CENPP: variants seen among roughly 807,000 people sequenced by gnomAD.
CENPP encodes centromere protein P.
CENPP carries 24 observed loss-of-function variants against 35.6 expected under a neutral mutation model. The ratio of observed to expected loss-of-function variants is 0.67; its 90% CI spans 0.49 to 0.95. The LOEUF (loss-of-function observed/expected upper bound fraction) is 0.95. CENPP is among the 40% of genes least tolerant of loss of function. CENPP has a pLI of 0.00. For synonymous variants in CENPP, 120 were observed against 125.5 expected (o/e 0.96, Z 0.29); for missense variants, 332 against 345.3 (o/e 0.96, Z 0.31).
intron 5 of CENPP, chr9:92,457,198 A>G (rs917430235): frequency 2.7e-5 from 41 of 1,493,746 alleles, no homozygotes; most frequent in Non-Finnish European, 3.7e-5. Context: ...GCTTGTATAT[A>G]TAATACTACC....
At chr9:92,556,858 T>C (rs1239292908) in intron 5 of CENPP, among the ~76,000 whole-genome samples, 1 of 152,228 alleles carries the variant, frequency 6.6e-6, no homozygotes, top group African/African-American at 2.4e-5. Context: ...CTTTGTTGCC[T>C]GTGTACTTTG....
chr9:92,433,632 T>C (rs1844173318), intron 5 of CENPP, among the ~76,000 whole-genome samples: 1 of 152,174 alleles, frequency 6.6e-6, no homozygotes, highest in Admixed American at 6.6e-5. Flanking sequence ...AAAATGTAAT[T>C]ACAAAAATGT....
intron 5 of CENPP, among the ~76,000 whole-genome samples, chr9:92,562,278 C>T (rs905326685): frequency 6.8e-6 from 1 of 147,120 alleles, no homozygotes; most frequent in African/African-American, 2.5e-5. Context: ...GATCTTGGCT[C>T]ACTGCAACCT....
chr9:92,473,307 A>G (rs1845595041), intron 5 of CENPP, among the ~76,000 whole-genome samples: 1 of 152,182 alleles, frequency 6.6e-6, no homozygotes, highest in African/African-American at 2.4e-5. Context: ...TGCACTAAAG[A>G]TAAATGTGTC....
intron 5 of CENPP, chr9:92,494,123 G>C: frequency 6.3e-7 from 1 of 1,597,836 alleles, no homozygotes; most frequent in Non-Finnish European, 8.5e-7. Flanking sequence ...GTTTGTCACT[G>C]TCTCTAGAAC....
At chr9:92,465,000 C>T in intron 5 of CENPP, 2 of 1,613,764 alleles carry the variant, frequency 1.2e-6, no homozygotes, top group African/African-American at 2.7e-5. Context: ...GGCTCTATCC[C>T]ATTATTATCA....
intron 5 of CENPP, among the ~76,000 whole-genome samples, chr9:92,504,803 T>C (rs1041562829): frequency 6.6e-6 from 1 of 152,056 alleles, no homozygotes; most frequent in Non-Finnish European, 1.5e-5. Context: ...CCTCCCAGAG[T>C]GCTGGGATTA....
chr9:92,404,625 G>A (rs1843250824), intron 5 of CENPP: 13 of 1,281,248 alleles, frequency 1.0e-5, no homozygotes, highest in Non-Finnish European at 1.3e-5. Context: ...AAATTTCAGG[G>A]CCCAGCAGCT....
At chr9:92,533,330 T>A (rs488901) in intron 5 of CENPP, among the ~76,000 whole-genome samples, 4,211 of 53,432 alleles carry the variant, frequency 0.079, 143 homozygotes, top group Non-Finnish European at 0.12. Flanking sequence ...AAAAAAAAAA[T>A]ATATATATAT....
chr9:92,453,474 A>T (rs1331792974), intron 5 of CENPP, among the ~76,000 whole-genome samples: 1 of 152,164 alleles, frequency 6.6e-6, no homozygotes, highest in East Asian at 1.9e-4. Flanking sequence ...ACAGTTTGTT[A>T]TAATTTCTGT....
At chr9:92,342,581 T>G (rs1387856011) in intron 3 of CENPP, among the ~76,000 whole-genome samples, 3 of 152,250 alleles carry the variant, frequency 2.0e-5, no homozygotes, top group African/African-American at 7.2e-5. Flanking sequence ...CTTTTAGATT[T>G]TATGATTCTT....
Position 92,337,622 on chromosome 9 carries a change from A to G in CENPP, c.371A>G (p.Glu124Gly), listed in dbSNP as rs370232744. ...VTFQLEFQILEIQNKERLSSA... is the reference protein window; with the variant it reads ...VTFQLEFQILGIQNKERLSSA... ...TTTCAACTTGAATTTCAGATTCTGG[A>G]AATTCAGGTAAATTAAGAAGCATGT... is the stretch of plus-strand genomic sequence containing the variant. Residue 124 changes from glutamate to glycine, a missense_variant, in exon 3 of 8, where the codon GAA (glutamate) becomes GGA (glycine). Coordinates refer to ENST00000375587, the MANE Select transcript of CENPP (RefSeq NM_001012267.3). The G allele has an allele frequency of 5.7e-6, 9 of 1,566,318 alleles. No individual in the cohort carries two copies. In the African/African-American group the frequency reaches 1.1e-4, roughly 19 times the overall value.
intron 5 of CENPP, among the ~76,000 whole-genome samples, chr9:92,490,725 G>A (rs1037645915): frequency 1.3e-5 from 2 of 152,198 alleles, no homozygotes; most frequent in Admixed American, 6.5e-5. Context: ...AGAGCAATCA[G>A]ATTGATTACT....
At chr9:92,470,565 C>A in intron 5 of CENPP, 5 of 587,674 alleles carry the variant, frequency 8.5e-6, no homozygotes, top group East Asian at 3.4e-5. Context: ...TCATTCTTTA[C>A]AGAAAAGTAA....
intron 5 of CENPP, chr9:92,518,010 T>C: frequency 9.6e-7 from 1 of 1,036,300 alleles, no homozygotes; most frequent in Non-Finnish European, 1.4e-6. Flanking sequence ...ATGTATAGGG[T>C]AAAGATGTCG....
At chr9:92,533,328 A>AAAAAAAT (rs1554683138) in intron 5 of CENPP, among the ~76,000 whole-genome samples, 3 of 38,340 alleles carry the variant, frequency 7.8e-5, no homozygotes, top group Admixed American at 3.4e-4. Context: ...AAAAAAAAAA[A>AAAAAAAT]ATATATATAT....
chr9:92,351,420 T>C (rs1841438228), intron 4 of CENPP, among the ~76,000 whole-genome samples: 1 of 147,952 alleles, frequency 6.8e-6, no homozygotes, highest in Non-Finnish European at 1.5e-5. Context: ...GCGGAGGTTG[T>C]GGTGAGCCGA....
At chr9:92,465,104 T>C in intron 5 of CENPP, 1 of 984,674 alleles carries the variant, frequency 1.0e-6, no homozygotes, top group Non-Finnish European at 1.6e-6. Flanking sequence ...GAGAGACACA[T>C]CCCAAGAATG....
rs373053528 is a variant in CENPP, at chr9:92,464,726, T to C, written c.564+84867T>C. ...TTTATTCTTAGTGGAGTAAAAAAAA[T>C]TGTGGCTTAATTCTGTCAGGAAAAA... On this transcript the variant is annotated intron_variant, in intron 5 of 7. Transcript: ENST00000375587. 9 of 688,386 alleles carry C rather than the reference T, an allele frequency of 1.3e-5. No individual in the cohort carries two copies. The East Asian group carries it at 1.4e-4, about 11-fold the overall frequency. The allele number at this position is 688,386 out of a possible 1,614,324, so 42.6% of individuals were successfully genotyped here. A position where few individuals can be genotyped will look rare whatever the true frequency, so the allele number is the denominator to read the frequency against.
Sources: gnomAD v4.1 joint callset for allele counts (sites outside exome capture counted in the v4.1 genomes callset) on GRCh38, gnomAD v4.1.1 for gene constraint, MANE v1.5 for transcripts, NCBI Gene and HGNC (gene_info 2026-07-23, HGNC 2026-07-21) for gene names.